Variants in REXO1 observed in about 807,000 individuals in gnomAD.
The protein encoded by REXO1 is REX1, RNA exonuclease 1 homolog.
REXO1 carries 42 observed loss-of-function variants against 102.6 expected under a neutral mutation model. The observed-to-expected ratio is 0.41, with a 90% CI of 0.32 to 0.53. The LOEUF is 0.53. REXO1 is among the 20% of genes least tolerant of loss of function. The pLI, the probability that REXO1 is intolerant of heterozygous loss-of-function variation, is 0.27. For missense variants in REXO1, 1,819 were observed against 1,732.5 expected (o/e 1.05, Z -0.89); for synonymous variants, 908 against 779.1 (o/e 1.17, Z -2.76).
At chr19:1,829,754 G>C (rs981224458) in intron 1 of REXO1, among the ~76,000 whole-genome samples, 1 of 151,860 alleles carries the variant, frequency 6.6e-6, no homozygotes, top group African/African-American at 2.4e-5. Context: ...GTTTCGGTGA[G>C]CCGAGATCAC....
At position 1,826,663 on chromosome 19, in the gene REXO1, G is replaced by C. The variant is rs958735277; in HGVS notation, c.1911+215C>G. Among the ~76,000 whole-genome samples, 3 of 147,730 alleles carry C rather than the reference G, an allele frequency of 2.0e-5. No homozygotes were observed. Among genetic ancestry groups the C allele is most frequent in the South Asian group, 2.1e-4 (1 of 4,738 alleles). Reference sequence around the variant, plus strand: ...AAGCCTGGCTGGTGGCCACGGGCCAGTGACCTCTGGGTGGGTGAGGGGCAA... The same window carrying C: ...AAGCCTGGCTGGTGGCCACGGGCCACTGACCTCTGGGTGGGTGAGGGGCAA... On this transcript the variant is annotated intron_variant, in intron 2 of 15. Transcript: ENST00000170168. This position sits in a 1 kb window ranked among gnomAD's most constrained non-coding sequence, Gnocchi z 4.3.
chr19:1,817,670 G>C (rs759730066), intron 11 of REXO1, 37 bp downstream of exon 11: 2 of 1,592,776 alleles, frequency 1.3e-6, no homozygotes, highest in South Asian at 1.1e-5. Flanking sequence ...GAAGTCTGTT[G>C]AGAACAGGCA....
intron 1 of REXO1, among the ~76,000 whole-genome samples, chr19:1,838,207 C>T (rs1228118315): frequency 6.6e-6 from 1 of 151,794 alleles, no homozygotes; most frequent in African/African-American, 2.4e-5. Flanking sequence ...ACCCCAGCTA[C>T]TCAGGAGGCT....
Position 1,827,565 on chromosome 19 carries a change from C to T in REXO1, c.1224G>A (p.Val408=), listed in dbSNP as rs746227214. The change falls in exon 2 of 16, where the codon GTG becomes GTA. Residue 408 remains valine (V), a synonymous_variant. Coordinates refer to ENST00000170168, the MANE Select transcript of REXO1 (RefSeq NM_020695.4). ...CCTTCTTGTCCGCACGGGGCTTCTC[C>T]ACAGGCCGCCCTCGGCCCTTGTCCT... ...KTKDKGRGRP[V]EKPRADKKGP... 5 of 1,596,030 alleles carry T rather than the reference C, an allele frequency of 3.1e-6. No homozygotes were observed. The Admixed American group carries it at 9.2e-5, about 29-fold the overall frequency.
At chr19:1,842,208 C>T (rs1364411407) in intron 1 of REXO1, among the ~76,000 whole-genome samples, 1 of 145,954 alleles carries the variant, frequency 6.9e-6, no homozygotes, top group Non-Finnish European at 1.5e-5. Context: ...AGCCAGATTC[C>T]GTTGCAAAAA....
In REXO1 at chr19:1,828,460, C is replaced by T. The variant is rs146304890; in HGVS notation, c.329G>A (p.Arg110Gln). The T allele has an allele frequency of 2.4e-5, 39 of 1,607,362 alleles. No individual in the cohort carries two copies. Among genetic ancestry groups the T allele is most frequent in the African/African-American group, 8.0e-5 (6 of 75,026 alleles). Residue 110 changes from arginine to glutamine, a missense_variant, in exon 2 of 16, where the codon CGG becomes CAG. Arg to Gln is a conservative substitution (Grantham distance 43). Coordinates refer to ENST00000170168, the MANE Select transcript of REXO1 (RefSeq NM_020695.4). Reference protein sequence around the residue: ...SEVELEQRRYRELLETTREHR... With the variant: ...SEVELEQRRYQELLETTREHR... ...CTCACGGGTCGTCTCCAGCAGCTCC[C>T]GGTAGCGCCGCTGCTCCAGCTCCAC...
intron 1 of REXO1, among the ~76,000 whole-genome samples, chr19:1,842,428 C>A (rs1236145630): frequency 1.3e-5 from 2 of 152,250 alleles, no homozygotes; most frequent in Non-Finnish European, 2.9e-5. Context: ...CTCCAGACAT[C>A]TCCTAACATT....
chr19:1,817,799 C>T lies in REXO1; in HGVS notation c.3017-19G>A, dbSNP rs2069414968. On this transcript the variant is annotated intron_variant, in intron 10 of 15. Transcript: ENST00000170168. ...CCGGCCACTGCAGGGGACACAGACACACAGTCAGGGCCCGGCCAGGCCCAC... is the reference window on the plus strand; with the variant it reads ...CCGGCCACTGCAGGGGACACAGACATACAGTCAGGGCCCGGCCAGGCCCAC... 8.1e-6 allele frequency: 13 copies of T among 1,607,810 alleles called. No homozygotes were observed. The highest frequency in any genetic ancestry group is 1.1e-5 in the Non-Finnish European group (13 of 1,176,990).
At chr19:1,816,936 C>T (rs2069384040) in intron 12 of REXO1, 123 bp from the exon 13 acceptor site, 4 of 794,672 alleles carry the variant, frequency 5.0e-6, no homozygotes, top group African/African-American at 3.4e-5. Flanking sequence ...CTCTGTGGGA[C>T]TTCTAGGAGA....
intron 7 of REXO1, among the ~76,000 whole-genome samples, chr19:1,819,418 G>C (rs1331930222): frequency 6.6e-6 from 1 of 151,848 alleles, no homozygotes; most frequent in East Asian, 1.9e-4. Flanking sequence ...GGAAGGGCGG[G>C]GAGAACAGCA....
chr19:1,842,695 C>T (rs2011343205), intron 1 of REXO1, among the ~76,000 whole-genome samples: 1 of 152,224 alleles, frequency 6.6e-6, no homozygotes, highest in Non-Finnish European at 1.5e-5. Context: ...CCAGCCATGG[C>T]TCAAGCACAG....
chr19:1,827,535 C>CGG lies in REXO1; in HGVS notation c.1252_1253dup (p.Gln419ArgfsTer75). Reference sequence around the variant, plus strand: ...CCTTGCGCCGGGGGCTGCTGGCCTGCGGGCCCTTCTTGTCCGCACGGGGCT... The same window carrying CGG: ...CCTTGCGCCGGGGGCTGCTGGCCTGCGGGGGCCCTTCTTGTCCGCACGGGGCT... On this transcript the variant is annotated frameshift_variant, in exon 2 of 16. Transcript: ENST00000170168. LOFTEE classifies it high-confidence loss of function. The CGG allele has an allele frequency of 1.3e-6, 2 of 1,586,126 alleles. No individual in the cohort carries two copies. Among genetic ancestry groups the CGG allele is most frequent in the Non-Finnish European group, 1.7e-6 (2 of 1,174,452 alleles).
rs754798420 is a variant in REXO1 at position 1,818,603 on chromosome 19, T to A, written c.2903-8A>T. ...AGCAGGTCCTGCAGGAAGCTGTGGGTGGGGACCCAGGTGGAAGCTGAGGCT... is the reference window on the plus strand; with the variant it reads ...AGCAGGTCCTGCAGGAAGCTGTGGGAGGGGACCCAGGTGGAAGCTGAGGCT... On this transcript the variant is annotated splice_region_variant and splice_polypyrimidine_tract_variant and intron_variant, in intron 9 of 15. Coordinates refer to ENST00000170168, the MANE Select transcript of REXO1 (RefSeq NM_020695.4). 1.2e-6 allele frequency: 2 copies of A among 1,608,650 alleles called. No individual in the cohort carries two copies. The highest frequency in any genetic ancestry group is 4.5e-5 in the East Asian group (2 of 44,724).
At position 1,825,905 on chromosome 19, in the gene REXO1, C is replaced by T. The variant is rs773470551; in HGVS notation, c.1950G>A (p.Ser650=). Residue 650 remains serine (S), a synonymous_variant, in exon 3 of 16, where the codon TCG becomes TCA. Coordinates refer to ENST00000170168, the MANE Select transcript of REXO1 (RefSeq NM_020695.4). ...KEEKSEEKGL[S]GLTTLFPGQK... is the part of the protein sequence containing the mutation. The stretch of plus-strand genomic sequence containing the variant: ...GCCCGGGGAACAGAGTGGTCAGACC[C>T]GAAAGCCCCTTCTCCTCACTCTTCT... 33 of 1,610,634 alleles carry T rather than the reference C, an allele frequency of 2.0e-5. No homozygotes were observed. The highest frequency in any genetic ancestry group is 1.2e-4 in the South Asian group (11 of 90,976).
At position 1,827,860 on chromosome 19, in the gene REXO1, C is replaced by G; in HGVS notation, c.929G>C (p.Arg310Thr). The G allele has an allele frequency of 6.2e-7, 1 of 1,613,422 alleles. No homozygotes were observed. Among genetic ancestry groups the G allele is most frequent in the Non-Finnish European group, 8.5e-7 (1 of 1,179,842 alleles). The change falls in exon 2 of 16, where the codon AGG becomes ACG. Residue 310 changes from arginine (R) to threonine (T), a missense_variant. By Grantham distance (71) the Arg-to-Thr change is moderately conservative (BLOSUM62 -1). Transcript: ENST00000170168. ...EPTTASTPKA[R>T]ADPEIKATGQ... ...GGTGGCCTTGATCTCAGGGTCGGCCCTGGCTTTGGGGGTGCTGGCCGTGGT... is the reference window on the plus strand; with the variant it reads ...GGTGGCCTTGATCTCAGGGTCGGCCGTGGCTTTGGGGGTGCTGGCCGTGGT...
At chr19:1,843,449 G>A (rs2011390614) in intron 1 of REXO1, among the ~76,000 whole-genome samples, 1 of 152,184 alleles carries the variant, frequency 6.6e-6, no homozygotes, top group South Asian at 2.1e-4. Flanking sequence ...GGAAGCCCAG[G>A]GACGCTGCTC....
chr19:1,828,660 C>T (rs1487458006), intron 1 of REXO1, 29 bp from the exon 2 acceptor site: 16 of 1,566,546 alleles, frequency 1.0e-5, no homozygotes, highest in Non-Finnish European at 1.4e-5. Flanking sequence ...ACAGCTGTGA[C>T]CAGCCTGCCG....
chr19:1,832,170 G>C (rs1373039198), intron 1 of REXO1, among the ~76,000 whole-genome samples: 1 of 152,218 alleles, frequency 6.6e-6, no homozygotes, highest in East Asian at 1.9e-4. Flanking sequence ...TTGAAGGGGA[G>C]GAAGGCGCCC....
intron 9 of REXO1, 43 bp from the exon 10 acceptor site, chr19:1,818,638 G>A: frequency 6.2e-7 from 1 of 1,607,418 alleles, no homozygotes; most frequent in Non-Finnish European, 8.5e-7. Flanking sequence ...TCACGCTGGG[G>A]CCCGCATGCC....
Sources: gnomAD v4.1 joint callset for allele counts (sites outside exome capture counted in the v4.1 genomes callset) on GRCh38, gnomAD v4.1.1 for gene constraint, Gnocchi (gnomAD v3.1) non-coding constraint, MANE v1.5 for transcripts, NCBI Gene and HGNC (gene_info 2026-07-23, HGNC 2026-07-21) for gene names.